Variants in KLHDC1 observed in about 807,000 individuals in gnomAD.
The protein encoded by KLHDC1 is kelch domain-containing protein 1.
KLHDC1 carries 53 observed loss-of-function variants against 68.3 expected under a neutral mutation model. That is an observed-to-expected ratio of 0.78 (90% CI 0.62 to 0.98). The LOEUF is 0.98. Among genes scored for constraint, KLHDC1 ranks in the 50% least tolerant of loss-of-function variants. The probability of loss-of-function intolerance (pLI) is 0.00; values close to 1 mark genes in which losing one functional copy is unlikely to be tolerated. For synonymous variants in KLHDC1, 148 were observed against 159.0 expected, an observed-to-expected ratio of 0.93 and a Z score of 0.52; for missense variants, 470 against 492.3, an observed-to-expected ratio of 0.95 and a Z score of 0.43.
intron 1 of KLHDC1, among the ~76,000 whole-genome samples, chr14:49,695,697 A>G (rs1040144556): frequency 5.3e-5 from 8 of 152,346 alleles, no homozygotes; most frequent in Admixed American, 2.0e-4. Context: ...GAAATTGGAC[A>G]TTGACTTCTC....
At chr14:49,704,387 G>GTTTTTTTTTTTTTTTTTTTTTTT (rs35067251) in intron 1 of KLHDC1, among the ~76,000 whole-genome samples, 3 of 68,690 alleles carry the variant, frequency 4.4e-5, no homozygotes, top group Admixed American at 2.6e-4. Flanking sequence ...TTCCTTTTCT[G>GTTTTTTTTTTTTTTTTTTTTTTT]TTTTTTTTTT....
intron 4 of KLHDC1, among the ~76,000 whole-genome samples, chr14:49,720,329 A>G (rs1030765226): frequency 6.6e-6 from 1 of 152,122 alleles, no homozygotes; most frequent in African/African-American, 2.4e-5. Flanking sequence ...TATGTTGCCC[A>G]GGCAGACCTG....
intron 4 of KLHDC1, among the ~76,000 whole-genome samples, chr14:49,718,769 C>CTTTTTTTTTTTTTTTTTT (rs71115397): frequency 9.1e-5 from 7 of 76,822 alleles, no homozygotes; most frequent in African/African-American, 2.1e-4. Flanking sequence ...TTCTTTCTTT[C>CTTTTTTTTTTTTTTTTTT]TTTTTTTTTT....
At chr14:49,704,087 A>G (rs1323559979) in intron 1 of KLHDC1, among the ~76,000 whole-genome samples, 1 of 152,174 alleles carries the variant, frequency 6.6e-6, no homozygotes, top group Non-Finnish European at 1.5e-5. Context: ...TCCTTGCCCC[A>G]TATCCTTGGC....
intron 4 of KLHDC1, among the ~76,000 whole-genome samples, chr14:49,722,083 A>C (rs962087379): frequency 4.6e-5 from 7 of 152,154 alleles, no homozygotes; most frequent in African/African-American, 7.2e-5. Flanking sequence ...TATGCGAAAG[A>C]GTTAAGGAGT....
chr14:49,751,845 C>A lies in KLHDC1; in HGVS notation c.*73C>A. Reference sequence around the variant, plus strand: ...ACTATACATTTACACTCCCAAATTGCAGGCTTTATTTAAAGGATAAAATTT... The same window carrying A: ...ACTATACATTTACACTCCCAAATTGAAGGCTTTATTTAAAGGATAAAATTT... On this transcript the variant is annotated 3_prime_UTR_variant, in exon 13 of 13. Coordinates refer to ENST00000359332, the MANE Select transcript of KLHDC1 (RefSeq NM_172193.3). 1.5e-6 allele frequency: 1 copy of A among 667,726 alleles called. No homozygotes were observed. Among genetic ancestry groups the A allele is most frequent in the Non-Finnish European group, 2.3e-6 (1 of 441,280 alleles). 41.4% of individuals were successfully genotyped at this position (667,726 alleles called of 1,614,324 possible).
At chr14:49,713,869 C>T (rs1416552407) in intron 4 of KLHDC1, among the ~76,000 whole-genome samples, 8 of 35,774 alleles carry the variant, frequency 2.2e-4, no homozygotes, top group Admixed American at 4.5e-4. Context: ...TTTTTTTTTC[C>T]TGAGACAGAG....
At position 49,696,973 on chromosome 14, in the gene KLHDC1, A is replaced by T. The variant is rs544634111; in HGVS notation, c.96+3683A>T. On this transcript the variant is annotated intron_variant, in intron 1 of 12. Coordinates refer to ENST00000359332, the MANE Select transcript of KLHDC1 (RefSeq NM_172193.3). Reference sequence around the variant, plus strand: ...TTTTTTTAAGACGGAGTCTCGCTCCATCGCCGAGGCTGGAGTGCAGTGGCA... The same window carrying T: ...TTTTTTTAAGACGGAGTCTCGCTCCTTCGCCGAGGCTGGAGTGCAGTGGCA... Among the ~76,000 whole-genome samples the T allele has an allele frequency of 1.6e-3, 236 of 149,218 alleles. 2 individuals are homozygous for T. The highest frequency in any genetic ancestry group is 1.4e-3 in the Non-Finnish European group (96 of 67,650).
intron 4 of KLHDC1, among the ~76,000 whole-genome samples, chr14:49,715,697 G>T (rs1313734934): frequency 7.4e-6 from 1 of 134,364 alleles, no homozygotes; most frequent in African/African-American, 2.8e-5. Flanking sequence ...GTGATCTGAG[G>T]TTGTGCCATT....
chr14:49,704,025 T>G (rs75592865), intron 1 of KLHDC1, among the ~76,000 whole-genome samples: 20,209 of 152,262 alleles, frequency 0.13, 1,674 homozygotes, highest in Non-Finnish European at 0.19. Flanking sequence ...TATTTGGAAA[T>G]GTCAGACTGT....
chr14:49,737,973 A>C (rs1358827482), intron 10 of KLHDC1, among the ~76,000 whole-genome samples: 2 of 151,810 alleles, frequency 1.3e-5, no homozygotes, highest in Non-Finnish European at 2.9e-5. Flanking sequence ...TTTTTTTGAG[A>C]GTTCTCTTAC....
In KLHDC1 at chr14:49,713,529, T is replaced by G. The variant is rs190515609; in HGVS notation, c.404+3148T>G. On this transcript the variant is annotated intron_variant, in intron 4 of 12. Coordinates refer to ENST00000359332, the MANE Select transcript of KLHDC1 (RefSeq NM_172193.3). ...CCTTTAGAATCAATTGAGTCATTTC[T>G]CTAGTATCCTTCAAAGTGGTCAGTA... 6.2e-3 allele frequency among the ~76,000 whole-genome samples: 939 copies of G among 152,142 alleles called. 8 individuals carry two copies. Among genetic ancestry groups the G allele is most frequent in the Admixed American group, 9.6e-3 (146 of 15,230 alleles).
Position 49,725,562 on chromosome 14 carries a change from A to G in KLHDC1, c.484-124A>G, listed in dbSNP as rs1469605433. The G allele has an allele frequency of 8.1e-6, 5 of 615,032 alleles. No homozygotes were observed. The East Asian group carries it at 9.1e-5, about 11-fold the overall frequency. 38.1% of individuals were successfully genotyped at this position (615,032 alleles called of 1,614,324 possible). ...CCGTGTATCCGTTGGCTTTGTGACT[A>G]TGGTAACACTTAACTCTATTTTTGT... On this transcript the variant is annotated intron_variant, in intron 5 of 12. Transcript: ENST00000359332.
Position 49,723,127 on chromosome 14 carries a change from A to G in KLHDC1, c.405-747A>G, listed in dbSNP as rs999039287. On this transcript the variant is annotated intron_variant, in intron 4 of 12. Coordinates refer to ENST00000359332, the MANE Select transcript of KLHDC1 (RefSeq NM_172193.3). ...AAAAAAAAAAAAAGAAGAGAAAACCATGAGATCTCATGACACTTAATCACT... is the reference window on the plus strand; with the variant it reads ...AAAAAAAAAAAAAGAAGAGAAAACCGTGAGATCTCATGACACTTAATCACT... Among the ~76,000 whole-genome samples, 4 of 148,030 alleles carry G rather than the reference A, an allele frequency of 2.7e-5. No homozygotes were observed. The South Asian group carries it at 6.4e-4, about 24-fold the overall frequency.
At chr14:49,718,109 C>T (rs2139746905) in intron 4 of KLHDC1, among the ~76,000 whole-genome samples, 2 of 152,202 alleles carry the variant, frequency 1.3e-5, no homozygotes, top group South Asian at 4.1e-4. Context: ...TGGTCTCAGA[C>T]TCTTGGCTTC....
rs71115393 is a variant in KLHDC1, at chr14:49,695,116, ATG to A, written c.96+1858_96+1859del. On this transcript the variant is annotated intron_variant, in intron 1 of 12. Transcript: ENST00000359332. Reference sequence around the variant, plus strand: ...CTCTGTAACATGCAATGCAGTTTTGATGTGTGTGTGTGTGTGTGTGTGTGTGT... The same window carrying A: ...CTCTGTAACATGCAATGCAGTTTTGATGTGTGTGTGTGTGTGTGTGTGTGT... 2.3e-3 allele frequency among the ~76,000 whole-genome samples: 323 copies of A among 142,192 alleles called. 1 individual carries two copies. Among genetic ancestry groups the A allele is most frequent in the South Asian group, 0.014 (59 of 4,260 alleles). The allele number at this position is 142,192 out of a possible 152,430, so 93.3% of individuals were successfully genotyped here. A position where few individuals can be genotyped will look rare whatever the true frequency, so the allele number is the denominator to read the frequency against.
At chr14:49,741,752 C>G (rs1446521697) in intron 11 of KLHDC1, among the ~76,000 whole-genome samples, 1 of 152,100 alleles carries the variant, frequency 6.6e-6, no homozygotes, top group Non-Finnish European at 1.5e-5. Flanking sequence ...TCTTTCACTC[C>G]TAGCACCCTG....
At chr14:49,730,789 A>G (rs192507407) in intron 8 of KLHDC1, among the ~76,000 whole-genome samples, 65 of 151,800 alleles carry the variant, frequency 4.3e-4, no homozygotes, top group African/African-American at 1.5e-3. Flanking sequence ...CCTGGCCAAC[A>G]TGGTGAAACC....
Position 49,728,810 on chromosome 14 carries a change from G to A in KLHDC1, c.568-116G>A. ...AACTTTTGCATTAGCGTTTTTAATT[G>A]AATTACATAGGTAATGATAACTTAG... is the stretch of plus-strand genomic sequence containing the variant. On this transcript the variant is annotated intron_variant, in intron 6 of 12. Coordinates refer to ENST00000359332, the MANE Select transcript of KLHDC1 (RefSeq NM_172193.3). The A allele has an allele frequency of 4.0e-6, 3 of 743,208 alleles. No individual in the cohort carries two copies. In the South Asian group the frequency reaches 4.8e-5, roughly 12 times the overall value. 46.0% of individuals were successfully genotyped at this position (743,208 alleles called of 1,614,324 possible).
Sources: allele counts gnomAD v4.1 joint callset (sites outside exome capture counted in the v4.1 genomes callset), GRCh38; gene constraint gnomAD v4.1.1; transcripts MANE v1.5; gene names NCBI Gene and HGNC (gene_info 2026-07-23, HGNC 2026-07-21).